Variants in SPATS1 observed in about 807,000 individuals in gnomAD.
SPATS1 encodes the protein spermatogenesis associated serine rich 1.
A neutral mutation model predicts 33.6 loss-of-function variants in SPATS1; 23 were observed. That is an observed-to-expected ratio of 0.68 (90% CI 0.49 to 0.97). The LOEUF is 0.97. Ranked by LOEUF, SPATS1 falls within the 50% of genes least tolerant of loss-of-function variation. The probability of loss-of-function intolerance (pLI) is 0.00; values close to 1 mark genes in which losing one functional copy is unlikely to be tolerated. For synonymous variants in SPATS1, 131 were observed against 125.6 expected, an observed-to-expected ratio of 1.04 and a Z score of -0.29; for missense variants, 327 against 361.0, an observed-to-expected ratio of 0.91 and a Z score of 0.76.
chr6:44,371,944 C>G (rs1187141118), intron 7 of SPATS1, among the ~76,000 whole-genome samples: 1 of 67,760 alleles, frequency 1.5e-5, no homozygotes, highest in Admixed American at 1.7e-4. Flanking sequence ...GACTCCGTCT[C>G]AAAAAAAAAA....
In SPATS1 at chr6:44,376,488, CT is replaced by C; in HGVS notation, c.874+17del. Reference sequence around the variant, plus strand: ...ACACCTTTCTGGTGGGTTAAAGAAACTTCAAAGAATAGTGTAAAAACTGGAG... The same window carrying C: ...ACACCTTTCTGGTGGGTTAAAGAAACTCAAAGAATAGTGTAAAAACTGGAG... On this transcript the variant is annotated intron_variant, in intron 8 of 8. Transcript: ENST00000674044. The C allele has an allele frequency of 6.4e-7, 1 of 1,568,016 alleles. No individual in the cohort carries two copies.
chr6:44,349,192 G>T (rs190640497), intron 2 of SPATS1, among the ~76,000 whole-genome samples: 2 of 151,406 alleles, frequency 1.3e-5, no homozygotes, highest in African/African-American at 4.9e-5. Flanking sequence ...CCAGCTACTC[G>T]GGAGGCTGAG....
In SPATS1 at chr6:44,343,146, C is replaced by T. The variant is rs143387848; in HGVS notation, c.51C>T (p.Pro17=). The change falls in exon 2 of 9, where the codon CCC becomes CCT. Residue 17 remains proline (P), a synonymous_variant. Transcript: ENST00000674044. ...TGNSPRGCRL[P]SISSTTCGRQ... ...ACAGTCCACGGGGCTGCCGTCTCCCCTCCATCTCAAGCACGACCTGCGGCA... is the reference window on the plus strand; with the variant it reads ...ACAGTCCACGGGGCTGCCGTCTCCCTTCCATCTCAAGCACGACCTGCGGCA... The T allele has an allele frequency of 4.8e-4, 778 of 1,614,172 alleles. 7 individuals are homozygous for T. In the East Asian group the frequency reaches 0.013, roughly 28 times the overall value.
intron 7 of SPATS1, among the ~76,000 whole-genome samples, chr6:44,376,056 A>T (rs1789926935): frequency 1.3e-5 from 2 of 151,546 alleles, no homozygotes; most frequent in Admixed American, 1.3e-4. Flanking sequence ...CAGTGAGCTG[A>T]GATTGTGCCA....
At chr6:44,353,954 G>A (rs914635173) in intron 3 of SPATS1, among the ~76,000 whole-genome samples, 11 of 150,060 alleles carry the variant, frequency 7.3e-5, no homozygotes, top group Admixed American at 3.4e-4. Flanking sequence ...GGAGAATGGC[G>A]TGAACCTAGG....
chr6:44,364,735 CTTTT>C (rs900394437), intron 5 of SPATS1, among the ~76,000 whole-genome samples: 5 of 151,572 alleles, frequency 3.3e-5, no homozygotes, highest in Admixed American at 1.3e-4. Context: ...TTCTTTCTTT[CTTTT>C]TTTCTTTCTG....
chr6:44,375,754 G>A (rs1348844014), intron 7 of SPATS1, among the ~76,000 whole-genome samples: 1 of 151,934 alleles, frequency 6.6e-6, no homozygotes. Flanking sequence ...AGGTTGCAGT[G>A]AGCAGAGATC....
In SPATS1 at chr6:44,377,913, T is replaced by C. The variant is rs979274926; in HGVS notation, c.*850T>C. 5.9e-5 allele frequency: 9 copies of C among 152,194 alleles called. No homozygotes were observed. The highest frequency in any genetic ancestry group is 1.9e-4 in the African/African-American group (8 of 41,434). 9.4% of individuals were successfully genotyped at this position (152,194 alleles called of 1,614,324 possible). On this transcript the variant is annotated 3_prime_UTR_variant, in exon 9 of 9. Transcript: ENST00000674044. ...ACCTTGGGGATTAGGTTTCGACATA[T>C]GCATTTTGGGGTGGGGAGGACAAAC...
intron 3 of SPATS1, among the ~76,000 whole-genome samples, chr6:44,356,359 A>G (rs530479500): frequency 6.6e-6 from 1 of 152,338 alleles, no homozygotes; most frequent in East Asian, 1.9e-4. Context: ...GACCACTGTA[A>G]TACCTTCTAG....
chr6:44,342,735 GCGTT>G lies in SPATS1; in HGVS notation c.-31_-28del, dbSNP rs1207761976. On this transcript the variant is annotated 5_prime_UTR_variant, in exon 1 of 9. Transcript: ENST00000674044. Reference sequence around the variant, plus strand: ...GTTCTCAGGCCTCGGCGTGCGGCGTGCGTTCGGCAGTTCAGTTGCCAGTTGGTTC... The same window carrying G: ...GTTCTCAGGCCTCGGCGTGCGGCGTGCGGCAGTTCAGTTGCCAGTTGGTTC... 2.1e-6 allele frequency: 1 copy of G among 468,132 alleles called. No homozygotes were observed. Among genetic ancestry groups the G allele is most frequent in the East Asian group, 6.6e-5 (1 of 15,252 alleles). 29.0% of individuals were successfully genotyped at this position (468,132 alleles called of 1,614,324 possible). A position where few individuals can be genotyped will look rare whatever the true frequency, so the allele number is the denominator to read the frequency against.
chr6:44,347,329 A>G (rs1379029969), intron 2 of SPATS1, among the ~76,000 whole-genome samples: 2 of 151,522 alleles, frequency 1.3e-5, no homozygotes, highest in African/African-American at 2.4e-5. Context: ...ACTATGTAAC[A>G]AACCTGTACG....
intron 2 of SPATS1, among the ~76,000 whole-genome samples, chr6:44,348,609 G>A (rs1216294009): frequency 1.3e-5 from 2 of 152,174 alleles, no homozygotes; most frequent in African/African-American, 2.4e-5. Flanking sequence ...CAGCAGGTAG[G>A]ATGTAGTTGT....
chr6:44,355,746 C>T (rs1396997675), intron 3 of SPATS1, among the ~76,000 whole-genome samples: 4 of 152,174 alleles, frequency 2.6e-5, no homozygotes, highest in African/African-American at 7.2e-5. Context: ...GCCCCCAGCA[C>T]TAGACATGGA....
chr6:44,356,118 T>A (rs1788574759), intron 3 of SPATS1, among the ~76,000 whole-genome samples: 1 of 152,150 alleles, frequency 6.6e-6, no homozygotes, highest in Non-Finnish European at 1.5e-5. Context: ...CAACATGCCT[T>A]GACTGAACTT....
intron 2 of SPATS1, among the ~76,000 whole-genome samples, chr6:44,349,309 A>G (rs34822651): frequency 0.019 from 2,776 of 149,956 alleles, 35 homozygotes; most frequent in Middle Eastern, 0.046. Flanking sequence ...AAAAAAAAAA[A>G]AAAGAAAGAA....
intron 4 of SPATS1, 134 bp downstream of exon 4, chr6:44,360,704 C>A (rs1285612796): frequency 9.0e-7 from 1 of 1,106,568 alleles, no homozygotes; most frequent in Non-Finnish European, 1.3e-6. Flanking sequence ...ATTCACAAAA[C>A]CTCTGCCAGG....
chr6:44,376,458 A>G lies in SPATS1; in HGVS notation c.859A>G (p.Met287Val). The G allele has an allele frequency of 6.2e-7, 1 of 1,608,358 alleles. No homozygotes were observed. Among genetic ancestry groups the G allele is most frequent in the Admixed American group, 1.7e-5 (1 of 59,350 alleles). ...GCAGCCAGCAGTGCCCTTAATGCACATGCTACACCTTTCTGGTGGGTTAAA... is the reference window on the plus strand; with the variant it reads ...GCAGCCAGCAGTGCCCTTAATGCACGTGCTACACCTTTCTGGTGGGTTAAA... ...NWQPAVPLMH[M>V]LHLSGALDFP... Residue 287 changes from methionine (M) to valine (V), a missense_variant, in exon 8 of 9, where the codon ATG becomes GTG. Coordinates refer to ENST00000674044, the MANE Select transcript of SPATS1 (RefSeq NM_001372081.1).
At chr6:44,368,275 A>G in intron 5 of SPATS1, 104 bp from the exon 6 acceptor site, 1 of 1,149,142 alleles carries the variant, frequency 8.7e-7, no homozygotes, top group Non-Finnish European at 1.2e-6. Flanking sequence ...AATTTATAAT[A>G]AAATACTAAA....
At chr6:44,366,107 T>C (rs1789226674) in intron 5 of SPATS1, among the ~76,000 whole-genome samples, 1 of 144,586 alleles carries the variant, frequency 6.9e-6, no homozygotes, top group Non-Finnish European at 1.5e-5. Context: ...TCTTTTACCA[T>C]AGTCTATATA....
Sources: allele counts gnomAD v4.1 joint callset (sites outside exome capture counted in the v4.1 genomes callset), GRCh38; gene constraint gnomAD v4.1.1; transcripts MANE v1.5; gene names NCBI Gene and HGNC (gene_info 2026-07-23, HGNC 2026-07-21).